The following MTCL3 variants were observed in gnomAD, a reference collection of about 807,000 sequenced individuals.
MTCL3 encodes MTCL family member 3.
At chr6:127,475,454 C>A in the MTCL3 span, 1 of 1,613,322 alleles carries the variant, frequency 6.2e-7, no homozygotes, top group Non-Finnish European at 8.5e-7. The surrounding 1 kb of genome is among the most constrained non-coding windows in gnomAD (Gnocchi z 7.3). Context: ...TCGTCCTCCT[C>A]GTCCATGAGT....
the MTCL3 span, chr6:127,481,538 G>T: frequency 1.2e-6 from 1 of 847,432 alleles, no homozygotes; most frequent in Non-Finnish European, 1.4e-6. Flanking sequence ...ATAATATATA[G>T]TTAATATGTT....
chr6:127,515,728 G>A, the MTCL3 span: 3 of 1,594,480 alleles, frequency 1.9e-6, no homozygotes, highest in Admixed American at 1.7e-5. This position sits in a 1 kb window ranked among gnomAD's most constrained non-coding sequence, Gnocchi z 4.3. Context: ...AACGGCAGGG[G>A]GGCCAGACAC....
At chr6:127,481,103 T>C in the MTCL3 span, among the ~76,000 whole-genome samples, 2 of 152,202 alleles carry the variant, frequency 1.3e-5, no homozygotes, top group East Asian at 3.8e-4. Context: ...CCCACATGCA[T>C]AGTGAGTGGA....
chr6:127,477,184 T>C, the MTCL3 span, among the ~76,000 whole-genome samples: 6 of 152,224 alleles, frequency 3.9e-5, no homozygotes, highest in Non-Finnish European at 5.9e-5. Flanking sequence ...AAGGAGAAAC[T>C]GTTAAGTTTT....
the MTCL3 span, among the ~76,000 whole-genome samples, chr6:127,496,446 G>A: frequency 1.2e-4 from 18 of 151,998 alleles, no homozygotes; most frequent in African/African-American, 3.9e-4. Context: ...ATAAGCTATC[G>A]AATGTATGGC....
the MTCL3 span, among the ~76,000 whole-genome samples, chr6:127,477,360 C>T: frequency 6.6e-6 from 1 of 152,208 alleles, no homozygotes; most frequent in Non-Finnish European, 1.5e-5. Flanking sequence ...GAATGGAAAT[C>T]TTTCTCTGAG....
the MTCL3 span, chr6:127,515,679 C>T: frequency 3.1e-5 from 47 of 1,522,094 alleles, no homozygotes; most frequent in Non-Finnish European, 4.0e-5. The surrounding 1 kb of genome is among the most constrained non-coding windows in gnomAD (Gnocchi z 4.3). Flanking sequence ...CCGCCGCCGC[C>T]GCCATTGGGG....
the MTCL3 span, among the ~76,000 whole-genome samples, chr6:127,507,530 G>A: frequency 2.6e-5 from 4 of 152,214 alleles, no homozygotes; most frequent in East Asian, 7.7e-4. Context: ...ACATGGAACT[G>A]TATATCTAAT....
At chr6:127,516,256 G>A in the MTCL3 span, 6 of 1,467,438 alleles carry the variant, frequency 4.1e-6, no homozygotes, top group Non-Finnish European at 5.4e-6. Context: ...ACCAGCCACA[G>A]GCTGGACAGC....
the MTCL3 span, among the ~76,000 whole-genome samples, chr6:127,474,021 G>A: frequency 1.3e-5 from 2 of 152,128 alleles, no homozygotes; most frequent in Non-Finnish European, 2.9e-5. Context: ...TTCTGGAATA[G>A]TTATTACTAT....
At chr6:127,475,665 G>C in the MTCL3 span, 9 of 1,591,336 alleles carry the variant, frequency 5.7e-6, no homozygotes, top group Non-Finnish European at 6.8e-6. This position sits in a 1 kb window ranked among gnomAD's most constrained non-coding sequence, Gnocchi z 7.3. Flanking sequence ...AGCGGATGTT[G>C]CGCACCTCCT....
At chr6:127,499,753 C>G in the MTCL3 span, among the ~76,000 whole-genome samples, 3 of 152,308 alleles carry the variant, frequency 2.0e-5, no homozygotes, top group East Asian at 5.8e-4. Context: ...AAACTTTACC[C>G]AGGCTTTCTC....
At chr6:127,485,936 G>C in the MTCL3 span, among the ~76,000 whole-genome samples, 2 of 152,070 alleles carry the variant, frequency 1.3e-5, no homozygotes, top group Non-Finnish European at 2.9e-5. Context: ...AAATAAAACT[G>C]AACAAACTGT....
the MTCL3 span, chr6:127,512,838 T>C: frequency 1.3e-6 from 2 of 1,509,268 alleles, no homozygotes; most frequent in Non-Finnish European, 1.8e-6. Context: ...CTTGGGATTC[T>C]TTTTTAAAGG....
the MTCL3 span, among the ~76,000 whole-genome samples, chr6:127,509,838 C>T: frequency 8.5e-5 from 13 of 152,256 alleles, no homozygotes; most frequent in South Asian, 4.1e-4. Context: ...TAATATTTAC[C>T]GTTTTAGAGC....
chr6:127,515,519 G>A, the MTCL3 span: 1 of 1,451,790 alleles, frequency 6.9e-7, no homozygotes, highest in Non-Finnish European at 9.0e-7. The surrounding 1 kb of genome is among the most constrained non-coding windows in gnomAD (Gnocchi z 4.3). Context: ...CTCACCTTGA[G>A]AGTCTCGTTT....
At chr6:127,514,742 A>G in the MTCL3 span, 10 of 1,144,912 alleles carry the variant, frequency 8.7e-6, no homozygotes. Flanking sequence ...GCCACTGAAG[A>G]CTTCTCAGCC....
At chr6:127,493,900 CA>C in the MTCL3 span, among the ~76,000 whole-genome samples, 9 of 152,172 alleles carry the variant, frequency 5.9e-5, no homozygotes, top group Non-Finnish European at 1.2e-4. Flanking sequence ...TAGATACCTA[CA>C]GCAGAGCTCA....
At chr6:127,476,106 T>C in the MTCL3 span, 3 of 1,614,126 alleles carry the variant, frequency 1.9e-6, no homozygotes, top group Admixed American at 5.0e-5. This position sits in a 1 kb window ranked among gnomAD's most constrained non-coding sequence, Gnocchi z 4.4. Flanking sequence ...CCGACAGGGA[T>C]TCGCTCTGCT....
Sources: gnomAD v4.1 joint callset for allele counts (sites outside exome capture counted in the v4.1 genomes callset) on GRCh38, gnomAD v4.1.1 for gene constraint, Gnocchi (gnomAD v3.1) non-coding constraint, MANE v1.5 for transcripts, NCBI Gene and HGNC (gene_info 2026-07-23, HGNC 2026-07-21) for gene names.